Variants in NME7 observed in about 807,000 individuals in gnomAD.
NME7 encodes NME/NM23 family member 7, also known as nucleoside diphosphate kinase 7.
In NME7, 41 loss-of-function variants were observed where a neutral mutation model predicts 49.1. The ratio of observed to expected loss-of-function variants is 0.83; its 90% CI spans 0.65 to 1.08. The LOEUF is 1.08. Ranked by LOEUF, NME7 falls within the 50% of genes least tolerant of loss-of-function variation. The pLI is 0.00. For missense variants in NME7, 423 were observed against 463.4 expected (o/e 0.91, Z 0.80); for synonymous variants, 139 against 150.6 (o/e 0.92, Z 0.56).
chr1:169,318,007 T>C (rs984632238), intron 3 of NME7, among the ~76,000 whole-genome samples: 1 of 152,188 alleles, frequency 6.6e-6, no homozygotes, highest in Non-Finnish European at 1.5e-5. Flanking sequence ...TGCTTTCACA[T>C]GTTAAGCACA....
intron 11 of NME7, among the ~76,000 whole-genome samples, chr1:169,141,995 A>T (rs1259044855): frequency 1.3e-5 from 2 of 152,168 alleles, no homozygotes. Flanking sequence ...TCTACTCTTC[A>T]AGTAGATAAA....
At chr1:169,227,997 A>G (rs1192244289) in intron 10 of NME7, among the ~76,000 whole-genome samples, 3 of 151,182 alleles carry the variant, frequency 2.0e-5, no homozygotes, top group Non-Finnish European at 4.4e-5. Flanking sequence ...ATATATATAT[A>G]TAACAAAAAT....
chr1:169,346,700 A>G (rs1652962607), intron 1 of NME7, among the ~76,000 whole-genome samples: 2 of 152,222 alleles, frequency 1.3e-5, no homozygotes, highest in Non-Finnish European at 2.9e-5. Flanking sequence ...AAGCCCTTTT[A>G]GGGCAGAGAC....
At chr1:169,248,786 TGTAA>T (rs1648429003) in intron 7 of NME7, among the ~76,000 whole-genome samples, 1 of 152,142 alleles carries the variant, frequency 6.6e-6, no homozygotes, top group African/African-American at 2.4e-5. Flanking sequence ...ATCAGTTGGT[TGTAA>T]GTATTTGGCT....
intron 10 of NME7, among the ~76,000 whole-genome samples, chr1:169,207,771 T>C (rs1046075506): frequency 1.3e-5 from 2 of 152,006 alleles, no homozygotes; most frequent in Non-Finnish European, 2.9e-5. Flanking sequence ...AGCCTCCAAA[T>C]CAGTGCAAAG....
intron 1 of NME7, among the ~76,000 whole-genome samples, chr1:169,366,406 TGATA>T (rs1388549852): frequency 6.6e-6 from 1 of 152,228 alleles, no homozygotes; most frequent in Non-Finnish European, 1.5e-5. Flanking sequence ...AGAAGTTTAC[TGATA>T]GATAGGAGGA....
chr1:169,282,664 G>A (rs1218645815), intron 7 of NME7, among the ~76,000 whole-genome samples: 1 of 152,078 alleles, frequency 6.6e-6, no homozygotes, highest in Non-Finnish European at 1.5e-5. Context: ...GTTCTCATTG[G>A]TTTCAAAGAA....
Position 169,337,584 on chromosome 1 carries a change from G to C in NME7, c.4-13084C>G, listed in dbSNP as rs140889658. Reference sequence around the variant, plus strand: ...TGCCGCCAAAGTGGGAGCCCATGCAGAGGAGGTGCCAAGAGCGACTGAGGA... The same window carrying C: ...TGCCGCCAAAGTGGGAGCCCATGCACAGGAGGTGCCAAGAGCGACTGAGGA... On this transcript the variant is annotated intron_variant, in intron 1 of 11. Coordinates refer to ENST00000367811, the MANE Select transcript of NME7 (RefSeq NM_013330.5). Among the ~76,000 whole-genome samples, 396 of 152,342 alleles carry C rather than the reference G, an allele frequency of 2.6e-3. 1 individual carries two copies. The highest frequency in any genetic ancestry group is 9.1e-3 in the African/African-American group (378 of 41,602).
At chr1:169,315,204 T>C (rs975719461) in intron 3 of NME7, among the ~76,000 whole-genome samples, 2 of 151,948 alleles carry the variant, frequency 1.3e-5, no homozygotes, top group African/African-American at 4.8e-5. Context: ...AATGAATAAA[T>C]ATATAAAACT....
At position 169,315,133 on chromosome 1, in the gene NME7, G is replaced by A. The variant is rs183821148; in HGVS notation, c.279-5053C>T. On this transcript the variant is annotated intron_variant, in intron 3 of 11. Transcript: ENST00000367811. ...AAAACCTTGGCAATTGATAGAATAA[G>A]CTGCCCAAAAATTAGTAAATATGTG... 1.9e-3 allele frequency among the ~76,000 whole-genome samples: 290 copies of A among 152,078 alleles called. 2 individuals are homozygous for A. The highest frequency in any genetic ancestry group is 6.8e-3 in the African/African-American group (284 of 41,498).
At chr1:169,252,920 T>G (rs1449661452) in intron 7 of NME7, among the ~76,000 whole-genome samples, 2 of 149,246 alleles carry the variant, frequency 1.3e-5, no homozygotes, top group Non-Finnish European at 3.0e-5. Flanking sequence ...CATTGATCTA[T>G]ATCTCTGTTT....
chr1:169,303,008 AATTCTGTGCAGTTGCAAGATGTTG>A, intron 5 of NME7, 113 bp downstream of exon 5: 1 of 490,394 alleles, frequency 2.0e-6, no homozygotes. Context: ...TAATTCTTAG[AATTCTGTGCAGTTGCAAGATGTTG>A]CTATGGCCCT....
intron 5 of NME7, chr1:169,302,402 CACCATGGAAT>C (rs1227062761): frequency 2.6e-5 from 4 of 152,174 alleles, no homozygotes; most frequent in Non-Finnish European, 5.9e-5. Context: ...GGTACATATA[CACCATGGAAT>C]ACCATGCTGC....
chr1:169,285,736 T>C (rs1650254117), intron 7 of NME7: 1 of 152,206 alleles, frequency 6.6e-6, no homozygotes. Flanking sequence ...ACCTGGCACA[T>C]AATGGTATAT....
intron 11 of NME7, among the ~76,000 whole-genome samples, chr1:169,134,929 C>CTT (rs1226912753): frequency 7.2e-6 from 1 of 139,472 alleles, no homozygotes; most frequent in Non-Finnish European, 1.5e-5. Context: ...TATCCTAACA[C>CTT]TTTAAGAGTC....
intron 11 of NME7, among the ~76,000 whole-genome samples, chr1:169,133,743 CTG>C (rs1658334053): frequency 6.6e-6 from 1 of 152,158 alleles, no homozygotes; most frequent in Non-Finnish European, 1.5e-5. Flanking sequence ...CTACATGAAA[CTG>C]AGTTTCTCAA....
At chr1:169,305,434 C>T (rs1257714201) in intron 4 of NME7, among the ~76,000 whole-genome samples, 1 of 152,230 alleles carries the variant, frequency 6.6e-6, no homozygotes, top group South Asian at 2.1e-4. Context: ...ATATTGTCAT[C>T]ATGGCGGAAC....
In NME7 at chr1:169,262,793, T is replaced by C. The variant is rs1649205295; in HGVS notation, c.754+24510A>G. Reference sequence around the variant, plus strand: ...TCCCCACAATTCCCCAACATACTTCTAGATTGAGGCAGTGAGCCACTCAGA... The same window carrying C: ...TCCCCACAATTCCCCAACATACTTCCAGATTGAGGCAGTGAGCCACTCAGA... On this transcript the variant is annotated intron_variant, in intron 7 of 11. Coordinates refer to ENST00000367811, the MANE Select transcript of NME7 (RefSeq NM_013330.5). 3.0e-5 allele frequency among the ~76,000 whole-genome samples: 4 copies of C among 133,530 alleles called. 2 individuals are homozygous for C. Among genetic ancestry groups the C allele is most frequent in the Non-Finnish European group, 7.0e-5 (4 of 56,788 alleles). The allele number at this position is 133,530 out of a possible 152,430, so 87.6% of individuals were successfully genotyped here. A position where few individuals can be genotyped will look rare whatever the true frequency, so the allele number is the denominator to read the frequency against.
At chr1:169,164,155 G>A (rs1348163763) in intron 11 of NME7, among the ~76,000 whole-genome samples, 7 of 151,478 alleles carry the variant, frequency 4.6e-5, no homozygotes, top group African/African-American at 1.2e-4. Flanking sequence ...GAGTCTGGAC[G>A]TCAGTATTTA....
Sources: allele counts gnomAD v4.1 joint callset (sites outside exome capture counted in the v4.1 genomes callset), GRCh38; gene constraint gnomAD v4.1.1; transcripts MANE v1.5; gene names NCBI Gene and HGNC (gene_info 2026-07-23, HGNC 2026-07-21).